The following TTC28 variants were observed in gnomAD, a reference collection of about 807,000 sequenced individuals.
TTC28 encodes the protein tetratricopeptide repeat protein 28.
A neutral mutation model predicts 198.0 loss-of-function variants in TTC28; 61 were observed. The observed-to-expected ratio is 0.31, with a 90% confidence interval of 0.25 to 0.38. The LOEUF (loss-of-function observed/expected upper bound fraction) is 0.38, where lower values mean the gene tolerates loss of function less well. Ranked by LOEUF, TTC28 falls within the 10% of genes least tolerant of loss-of-function variation. The pLI is 1.00. For missense variants in TTC28, 2,678 were observed against 3,164.0 expected (o/e 0.85, Z 3.69); for synonymous variants, 1,171 against 1,297.8 (o/e 0.90, Z 2.10).
chr22:28,038,942 G>A (rs796801275), intron 12 of TTC28, among the ~76,000 whole-genome samples: 1 of 152,228 alleles, frequency 6.6e-6, no homozygotes, highest in African/African-American at 2.4e-5. Flanking sequence ...CTGGCCATCA[G>A]AGAAATGCAA....
chr22:28,237,009 A>T (rs145666683), intron 5 of TTC28, among the ~76,000 whole-genome samples: 1 of 152,178 alleles, frequency 6.6e-6, no homozygotes, highest in Non-Finnish European at 1.5e-5. Context: ...GCTGACTAAA[A>T]CCTGGAACTC....
Position 28,178,478 on chromosome 22 carries a change from C to T in TTC28, c.934-14879G>A, listed in dbSNP as rs544944438. Among the ~76,000 whole-genome samples, 24 of 149,444 alleles carry T rather than the reference C, an allele frequency of 1.6e-4. No homozygotes were observed. In the South Asian group the frequency reaches 2.3e-3, roughly 15 times the overall value. ...GTGAAACTCTGTCGAGGGAGAGGAA[C>T]GGGGGAGGGGAGGGGGAGGTAATTT... On this transcript the variant is annotated intron_variant, in intron 5 of 22. Coordinates refer to ENST00000397906, the MANE Select transcript of TTC28 (RefSeq NM_001145418.2).
At chr22:28,080,863 T>C (rs1175481035) in intron 12 of TTC28, among the ~76,000 whole-genome samples, 5 of 152,162 alleles carry the variant, frequency 3.3e-5, no homozygotes, top group Admixed American at 3.3e-4. Context: ...AATTTTTGCA[T>C]GTCGTATAAA....
chr22:28,125,593 A>G (rs1942894808), intron 6 of TTC28, among the ~76,000 whole-genome samples: 1 of 152,232 alleles, frequency 6.6e-6, no homozygotes, highest in South Asian at 2.1e-4. Flanking sequence ...TGGAAACACA[A>G]AACAGTACAG....
chr22:27,991,745 C>T (rs1453482532), intron 19 of TTC28, among the ~76,000 whole-genome samples: 1 of 152,218 alleles, frequency 6.6e-6, no homozygotes, highest in East Asian at 1.9e-4. Flanking sequence ...TGGTCCAGAC[C>T]CTCACTGGCC....
At chr22:28,348,665 T>G (rs1282457620) in intron 2 of TTC28, among the ~76,000 whole-genome samples, 1 of 152,150 alleles carries the variant, frequency 6.6e-6, no homozygotes, top group Non-Finnish European at 1.5e-5. Context: ...ATGCGGACCT[T>G]TCATTCATGA....
At chr22:28,367,076 T>C (rs140915400) in intron 2 of TTC28, among the ~76,000 whole-genome samples, 1 of 152,164 alleles carries the variant, frequency 6.6e-6, no homozygotes, top group East Asian at 1.9e-4. Context: ...ATCTGCCCTA[T>C]AGAACAAATA....
intron 1 of TTC28, among the ~76,000 whole-genome samples, chr22:28,670,434 A>G (rs2051860449): frequency 6.6e-6 from 1 of 152,040 alleles, no homozygotes; most frequent in Non-Finnish European, 1.5e-5. Flanking sequence ...AATCATTACA[A>G]TATGTGATCT....
intron 12 of TTC28, among the ~76,000 whole-genome samples, chr22:28,061,584 T>C (rs548732102): frequency 6.6e-6 from 1 of 152,338 alleles, no homozygotes; most frequent in East Asian, 1.9e-4. Context: ...TGTATCTCTG[T>C]TTTGGTACCA....
intron 2 of TTC28, among the ~76,000 whole-genome samples, chr22:28,610,822 T>G (rs1183460509): frequency 1.3e-5 from 2 of 151,812 alleles, no homozygotes; most frequent in African/African-American, 4.8e-5. Flanking sequence ...CTAAGAACCT[T>G]GAAAAAAGGT....
At chr22:28,267,626 T>C (rs550075825) in intron 5 of TTC28, among the ~76,000 whole-genome samples, 1 of 152,216 alleles carries the variant, frequency 6.6e-6, no homozygotes, top group Non-Finnish European at 1.5e-5. Context: ...TATGCTAACA[T>C]GTATAAAATA....
intron 2 of TTC28, among the ~76,000 whole-genome samples, chr22:28,455,151 T>C (rs1041068436): frequency 1.3e-5 from 2 of 152,172 alleles, no homozygotes; most frequent in Non-Finnish European, 2.9e-5. Flanking sequence ...ATACCACCTA[T>C]AACATCTAAC....
In TTC28 at chr22:28,654,952, T is replaced by A. The variant is rs543542671; in HGVS notation, c.102+24670A>T. 3.9e-5 allele frequency among the ~76,000 whole-genome samples: 6 copies of A among 152,352 alleles called. No homozygotes were observed. In the South Asian group the frequency reaches 1.2e-3, roughly 32 times the overall value. ...CAGCTTTTTAGAGCATAACTCTATA[T>A]TCATTAATGAATACTAGGACTATAT... On this transcript the variant is annotated intron_variant, in intron 1 of 22. Transcript: ENST00000397906.
chr22:28,165,079 T>G (rs1016049204), intron 5 of TTC28, among the ~76,000 whole-genome samples: 4 of 151,998 alleles, frequency 2.6e-5, no homozygotes, highest in Non-Finnish European at 5.9e-5. Flanking sequence ...AGGGTATCAG[T>G]GATGGAAGAC....
At chr22:28,317,844 C>T (rs1688904152) in intron 2 of TTC28, among the ~76,000 whole-genome samples, 1 of 152,158 alleles carries the variant, frequency 6.6e-6, no homozygotes, top group Non-Finnish European at 1.5e-5. Context: ...CTTAAGACCA[C>T]AGCTCCTATA....
chr22:28,015,042 GA>G (rs1938308338), intron 13 of TTC28, among the ~76,000 whole-genome samples: 1 of 152,330 alleles, frequency 6.6e-6, no homozygotes, highest in African/African-American at 2.4e-5. Flanking sequence ...TATTAATACA[GA>G]AGCATTTTCA....
At chr22:28,019,982 G>C (rs920741700) in intron 13 of TTC28, among the ~76,000 whole-genome samples, 1 of 152,248 alleles carries the variant, frequency 6.6e-6, no homozygotes, top group African/African-American at 2.4e-5. Context: ...CTCAGGGCCT[G>C]TGAGGTTACT....
intron 2 of TTC28, among the ~76,000 whole-genome samples, chr22:28,515,641 G>C (rs2048770979): frequency 6.6e-6 from 1 of 152,098 alleles, no homozygotes; most frequent in Admixed American, 6.6e-5. Flanking sequence ...AAGGGGCTCA[G>C]CATCTCTTCA....
chr22:28,182,354 T>C (rs952881468), intron 5 of TTC28, among the ~76,000 whole-genome samples: 4 of 152,160 alleles, frequency 2.6e-5, no homozygotes, highest in Non-Finnish European at 5.9e-5. Flanking sequence ...GGGGTTGGAA[T>C]GTAGTCGATC....
Sources: gnomAD v4.1 joint callset for allele counts (sites outside exome capture counted in the v4.1 genomes callset) on GRCh38, gnomAD v4.1.1 for gene constraint, MANE v1.5 for transcripts, NCBI Gene and HGNC (gene_info 2026-07-23, HGNC 2026-07-21) for gene names.